RERE: variants seen among roughly 807,000 people sequenced by gnomAD.
The protein encoded by RERE is arginine-glutamic acid dipeptide repeats protein.
A neutral mutation model predicts 146.1 loss-of-function variants in RERE; 40 were observed. The ratio of observed to expected loss-of-function variants is 0.27; its 90% confidence interval spans 0.21 to 0.36. RERE has a LOEUF of 0.36. Ranked by LOEUF, RERE falls within the 10% of genes least tolerant of loss-of-function variation. The pLI, the probability that RERE is intolerant of heterozygous loss-of-function variation, is 1.00. For missense variants in RERE, 1,933 were observed against 2,138.7 expected (o/e 0.90, Z 1.90); for synonymous variants, 1,003 against 866.0 (o/e 1.16, Z -2.78).
intron 1 of RERE, among the ~76,000 whole-genome samples, chr1:8,687,884 G>C (rs1416849722): frequency 6.6e-6 from 1 of 152,098 alleles, no homozygotes; most frequent in East Asian, 1.9e-4. Context: ...TACAAATTTA[G>C]TTTTAGTTTA....
intron 4 of RERE, among the ~76,000 whole-genome samples, chr1:8,563,796 T>C (rs538866181): frequency 9.5e-4 from 145 of 152,340 alleles, no homozygotes; most frequent in African/African-American, 3.4e-3. Context: ...CTAACATGTG[T>C]ATACTGTATG....
At chr1:8,769,152 G>A (rs1006245182) in intron 1 of RERE, among the ~76,000 whole-genome samples, 1 of 152,130 alleles carries the variant, frequency 6.6e-6, no homozygotes, top group Non-Finnish European at 1.5e-5. Flanking sequence ...ATTGATTTGA[G>A]TAAATGTTTT....
chr1:8,638,945 T>A (rs1647138756), intron 2 of RERE, among the ~76,000 whole-genome samples: 1 of 152,084 alleles, frequency 6.6e-6, no homozygotes, highest in Admixed American at 6.5e-5. Flanking sequence ...GGCTAATTGT[T>A]TGCATTTTTA....
At chr1:8,775,779 A>T (rs1557535926) in intron 1 of RERE, among the ~76,000 whole-genome samples, 1 of 152,222 alleles carries the variant, frequency 6.6e-6, no homozygotes, top group Non-Finnish European at 1.5e-5. Context: ...TACCTCTTTC[A>T]TCACTTAAGC....
rs574334064 is a variant in RERE, at chr1:8,612,080, T to A, written c.522+2481A>T. Among the ~76,000 whole-genome samples the A allele has an allele frequency of 2.6e-5, 4 of 152,350 alleles. No homozygotes were observed. The South Asian group carries it at 8.3e-4, about 32-fold the overall frequency. Reference sequence around the variant, plus strand: ...TCTGATGTTTATTCCATCATTAGTGTAGAAACACAGATCACATATACCTGA... The same window carrying A: ...TCTGATGTTTATTCCATCATTAGTGAAGAAACACAGATCACATATACCTGA... On this transcript the variant is annotated intron_variant, in intron 4 of 22. Coordinates refer to ENST00000400908, the MANE Select transcript of RERE (RefSeq NM_001042681.2).
chr1:8,654,123 T>C (rs1647792931), intron 2 of RERE, among the ~76,000 whole-genome samples: 1 of 151,966 alleles, frequency 6.6e-6, no homozygotes. Flanking sequence ...TACTGCAGCC[T>C]TGCCCTCCTG....
intron 12 of RERE, among the ~76,000 whole-genome samples, chr1:8,391,475 T>A (rs564175750): frequency 6.6e-6 from 1 of 152,276 alleles, no homozygotes; most frequent in East Asian, 1.9e-4. Context: ...CAGCTACACT[T>A]ACTTTTTCAG....
chr1:8,405,158 G>A (rs1332946784), intron 12 of RERE, among the ~76,000 whole-genome samples: 1 of 152,198 alleles, frequency 6.6e-6, no homozygotes, highest in East Asian at 1.9e-4. Flanking sequence ...AGGGAGCATG[G>A]CTCTGCTGGT....
At position 8,699,334 on chromosome 1, in the gene RERE, CCTAA is replaced by C. The variant is rs532166597; in HGVS notation, c.-144-42897_-144-42894del. Among the ~76,000 whole-genome samples, 151 of 152,178 alleles carry C rather than the reference CCTAA, an allele frequency of 9.9e-4. 1 individual carries two copies. Among genetic ancestry groups the C allele is most frequent in the African/African-American group, 2.9e-3 (122 of 41,558 alleles). On this transcript the variant is annotated intron_variant, in intron 1 of 22. Coordinates refer to ENST00000400908, the MANE Select transcript of RERE (RefSeq NM_001042681.2). ...AAGAATAGAACTCAAACTCAGACAG[CCTAA>C]CTATTTACCACTACGCTGTACTGAA...
chr1:8,574,769 C>T (rs113563533), intron 4 of RERE, among the ~76,000 whole-genome samples: 12 of 152,258 alleles, frequency 7.9e-5, no homozygotes, highest in East Asian at 1.9e-4. Context: ...GCAGTAGTTA[C>T]GCAGTTAGTG....
At chr1:8,525,766 G>C in intron 7 of RERE, 2 of 1,599,354 alleles carry the variant, frequency 1.3e-6, no homozygotes, top group South Asian at 2.2e-5. Flanking sequence ...TACCTGCAGG[G>C]GCTGAATGGA....
chr1:8,518,716 C>T (rs772151830), intron 7 of RERE, among the ~76,000 whole-genome samples: 25 of 152,208 alleles, frequency 1.6e-4, no homozygotes, highest in Non-Finnish European at 3.7e-4. Flanking sequence ...AGCATGAACA[C>T]ATACTTCAAA....
At chr1:8,552,220 G>C (rs1404972127) in intron 6 of RERE, among the ~76,000 whole-genome samples, 1 of 152,176 alleles carries the variant, frequency 6.6e-6, no homozygotes, top group African/African-American at 2.4e-5. Context: ...ATGGCTAAAG[G>C]ATAAAGCTCT....
At chr1:8,422,614 C>G in intron 12 of RERE, 113 bp downstream of exon 12, 1 of 743,146 alleles carries the variant, frequency 1.3e-6, no homozygotes, top group Non-Finnish European at 2.3e-6. Context: ...GAGGCCAGCC[C>G]GAGTCTGAGC....
intron 1 of RERE, among the ~76,000 whole-genome samples, chr1:8,758,179 A>G (rs1640682697): frequency 6.6e-6 from 1 of 151,632 alleles, no homozygotes; most frequent in Non-Finnish European, 1.5e-5. Flanking sequence ...TCCACCTCCC[A>G]GGTTCAAGCA....
intron 9 of RERE, among the ~76,000 whole-genome samples, chr1:8,496,631 G>A (rs1484779303): frequency 6.6e-6 from 1 of 152,202 alleles, no homozygotes; most frequent in Non-Finnish European, 1.5e-5. Context: ...TACAAAGTCT[G>A]CCTGCCTGCT....
intron 12 of RERE, among the ~76,000 whole-genome samples, chr1:8,422,198 T>C (rs1557624107): frequency 2.0e-5 from 3 of 152,186 alleles, no homozygotes; most frequent in Admixed American, 6.5e-5. Context: ...TAAGATCCCC[T>C]TGTACATCTG....
chr1:8,562,605 C>G (rs951734895), intron 4 of RERE, among the ~76,000 whole-genome samples: 1 of 152,190 alleles, frequency 6.6e-6, no homozygotes, highest in African/African-American at 2.4e-5. Context: ...CCTCCCGCCT[C>G]AGCCTCCTGA....
chr1:8,593,690 C>A (rs1266627772), intron 4 of RERE, among the ~76,000 whole-genome samples: 1 of 152,206 alleles, frequency 6.6e-6, no homozygotes, highest in Non-Finnish European at 1.5e-5. Context: ...CACTGCAGAG[C>A]AGTGATTTTT....
Sources: gnomAD v4.1 joint callset for allele counts (sites outside exome capture counted in the v4.1 genomes callset) on GRCh38, gnomAD v4.1.1 for gene constraint, MANE v1.5 for transcripts, NCBI Gene and HGNC (gene_info 2026-07-23, HGNC 2026-07-21) for gene names.